The following ASB7 variants were observed in gnomAD, a reference collection of about 807,000 sequenced individuals.
ASB7 encodes the protein ankyrin repeat and SOCS box containing 7.
A neutral mutation model predicts 32.5 loss-of-function variants in ASB7; 4 were observed. The ratio of observed to expected loss-of-function variants is 0.12; its 90% CI spans 0.06 to 0.28. The LOEUF (loss-of-function observed/expected upper bound fraction) is 0.28. ASB7 is among the 10% of genes least tolerant of loss of function. The pLI is 1.00. For missense variants in ASB7, 181 were observed against 407.1 expected, an observed-to-expected ratio of 0.44 and a Z score of 4.78; for synonymous variants, 172 against 155.6, an observed-to-expected ratio of 1.11 and a Z score of -0.78.
At chr15:100,647,311 A>T (rs1280783960) in intron 5 of ASB7, among the ~76,000 whole-genome samples, 2 of 152,252 alleles carry the variant, frequency 1.3e-5, no homozygotes, top group African/African-American at 4.8e-5. Flanking sequence ...CTGAGACTCT[A>T]TAAAATGGGG....
At chr15:100,611,356 A>C (rs2039693405) in intron 3 of ASB7, among the ~76,000 whole-genome samples, 1 of 151,698 alleles carries the variant, frequency 6.6e-6, no homozygotes, top group African/African-American at 2.4e-5. Context: ...GCCTGGCCAG[A>C]TATTTCATTG....
chr15:100,623,297 G>A (rs1408234134), intron 4 of ASB7, among the ~76,000 whole-genome samples: 1 of 152,192 alleles, frequency 6.6e-6, no homozygotes, highest in Non-Finnish European at 1.5e-5. Context: ...CAGCTACTTG[G>A]GAGGCTGAGG....
chr15:100,613,345 T>C (rs1457616368), intron 4 of ASB7, among the ~76,000 whole-genome samples: 1 of 152,240 alleles, frequency 6.6e-6, no homozygotes, highest in African/African-American at 2.4e-5. Flanking sequence ...ATGAGGGTCA[T>C]GTGAATAATG....
intron 5 of ASB7, among the ~76,000 whole-genome samples, chr15:100,634,074 T>A (rs2039904884): frequency 6.6e-6 from 1 of 152,226 alleles, no homozygotes; most frequent in Admixed American, 6.5e-5. Context: ...TACAGTACTA[T>A]AACCTTGTGA....
At chr15:100,603,848 T>C (rs2039605031) in intron 2 of ASB7, among the ~76,000 whole-genome samples, 1 of 152,192 alleles carries the variant, frequency 6.6e-6, no homozygotes, top group Non-Finnish European at 1.5e-5. Flanking sequence ...AGAAAATAGT[T>C]TGATTTTATT....
Position 100,602,813 on chromosome 15 carries a change from G to A in ASB7, c.-506G>A. 2.6e-6 allele frequency: 1 copy of A among 389,770 alleles called. No homozygotes were observed. The highest frequency in any genetic ancestry group is 4.5e-6 in the Non-Finnish European group (1 of 221,062). The allele number at this position is 389,770 out of a possible 1,614,324, so 24.1% of individuals were successfully genotyped here. ...GGACCGGGACTGCCCCCCCACCCGA[G>A]CCAGGACTTCCTCCCTGCCTCCCTG... On this transcript the variant is annotated 5_prime_UTR_variant, in exon 1 of 6. Transcript: ENST00000332783.
In ASB7 at chr15:100,603,294, G is replaced by C. The variant is rs2039583377; in HGVS notation, c.-193G>C. 1 of 302,916 alleles carries C rather than the reference G, an allele frequency of 3.3e-6. No individual in the cohort carries two copies. The highest frequency in any genetic ancestry group is 5.1e-5 in the Admixed American group (1 of 19,584). The allele number at this position is 302,916 out of a possible 1,614,324, so 18.8% of individuals were successfully genotyped here. ...GAGAAGCAGAAGGCACAGTGCCTCTGACCAGCATCGTCTGTAAAGGTAATG... is the reference window on the plus strand; with the variant it reads ...GAGAAGCAGAAGGCACAGTGCCTCTCACCAGCATCGTCTGTAAAGGTAATG... On this transcript the variant is annotated 5_prime_UTR_variant, in exon 2 of 6. Transcript: ENST00000332783.
intron 2 of ASB7, among the ~76,000 whole-genome samples, chr15:100,606,310 C>T (rs2039644621): frequency 1.3e-5 from 2 of 151,978 alleles, no homozygotes; most frequent in Non-Finnish European, 2.9e-5. Flanking sequence ...AGTAATAAGC[C>T]ATTATCTTGT....
At chr15:100,616,286 A>G (rs12915649) in intron 4 of ASB7, among the ~76,000 whole-genome samples, 77,144 of 151,580 alleles carry the variant, frequency 0.51, 21,019 homozygotes, top group East Asian at 0.68. Context: ...TAGATTTTGC[A>G]ATGTTTTCTC....
At chr15:100,635,537 C>T (rs1268886891) in intron 5 of ASB7, among the ~76,000 whole-genome samples, 3 of 152,128 alleles carry the variant, frequency 2.0e-5, no homozygotes, top group Non-Finnish European at 4.4e-5. Flanking sequence ...CAGAGGGTTC[C>T]GGTCCCTGCA....
intron 5 of ASB7, chr15:100,646,187 A>G (rs1373076210): frequency 1.0e-5 from 4 of 401,144 alleles, no homozygotes; most frequent in South Asian, 6.4e-5. Flanking sequence ...GAGCCACTCA[A>G]TAGTAACACA....
At chr15:100,641,044 C>CAGA (rs979510171) in intron 5 of ASB7, among the ~76,000 whole-genome samples, 11 of 152,152 alleles carry the variant, frequency 7.2e-5, no homozygotes, top group African/African-American at 2.4e-4. Flanking sequence ...AGATGTCTTC[C>CAGA]AGTTTTCCCT....
At chr15:100,646,902 G>C (rs545090239) in intron 5 of ASB7, among the ~76,000 whole-genome samples, 97 of 152,286 alleles carry the variant, frequency 6.4e-4, no homozygotes, top group African/African-American at 2.2e-3. Context: ...CCAGAGACGA[G>C]GTGGTGTGAT....
intron 5 of ASB7, 25 bp downstream of exon 5, chr15:100,630,067 T>C: frequency 1.3e-6 from 2 of 1,522,548 alleles, no homozygotes; most frequent in South Asian, 1.3e-5. Flanking sequence ...TATTACTTTA[T>C]TGCATTTTTT....
chr15:100,644,981 C>T (rs534666233), intron 5 of ASB7, among the ~76,000 whole-genome samples: 1 of 152,236 alleles, frequency 6.6e-6, no homozygotes, highest in African/African-American at 2.4e-5. Context: ...AGCGTATGTT[C>T]ATACAGGCCT....
intron 4 of ASB7, among the ~76,000 whole-genome samples, chr15:100,623,538 A>G (rs1295107067): frequency 6.6e-6 from 1 of 152,262 alleles, no homozygotes; most frequent in Non-Finnish European, 1.5e-5. Context: ...ACAATGAGAT[A>G]TCTTATCCCA....
At chr15:100,614,132 G>T (rs1444730451) in intron 4 of ASB7, among the ~76,000 whole-genome samples, 1 of 152,102 alleles carries the variant, frequency 6.6e-6, no homozygotes, top group East Asian at 1.9e-4. Context: ...AATTAGTTGG[G>T]CATAGTGGCC....
At chr15:100,639,653 A>G (rs1026291773) in intron 5 of ASB7, among the ~76,000 whole-genome samples, 6 of 152,230 alleles carry the variant, frequency 3.9e-5, no homozygotes, top group African/African-American at 1.4e-4. Flanking sequence ...TATGTAATAC[A>G]TTTTAACCAG....
At chr15:100,630,295 C>T (rs2039874245) in intron 5 of ASB7, 1 of 833,734 alleles carries the variant, frequency 1.2e-6, no homozygotes. Context: ...GAGAGAAGGA[C>T]AGAGAGGAGA....
Sources: gnomAD v4.1 joint callset for allele counts (sites outside exome capture counted in the v4.1 genomes callset) on GRCh38, gnomAD v4.1.1 for gene constraint, MANE v1.5 for transcripts, NCBI Gene and HGNC (gene_info 2026-07-23, HGNC 2026-07-21) for gene names.